The following AGPAT5 variants were observed in gnomAD, a reference collection of about 807,000 sequenced individuals.
AGPAT5 encodes 1-acyl-sn-glycerol-3-phosphate acyltransferase epsilon.
A neutral mutation model predicts 45.6 loss-of-function variants in AGPAT5; 46 were observed. That is an observed-to-expected ratio of 1.01 (90% CI 0.80 to 1.29). The LOEUF (loss-of-function observed/expected upper bound fraction) is 1.29, where lower values mean the gene tolerates loss of function less well. Among genes scored for constraint, AGPAT5 ranks in the 50% most tolerant of loss-of-function variants. AGPAT5 has a pLI of 0.00. For synonymous variants in AGPAT5, 272 were observed against 167.0 expected, an observed-to-expected ratio of 1.63 and a Z score of -4.85; for missense variants, 673 against 450.7, an observed-to-expected ratio of 1.49 and a Z score of -4.47.
intron 5 of AGPAT5, among the ~76,000 whole-genome samples, chr8:6,743,710 G>A (rs1206593398): frequency 6.6e-6 from 1 of 151,222 alleles, no homozygotes; most frequent in African/African-American, 2.4e-5. Context: ...GGTTATAAGG[G>A]ATGTGGAATT....
At chr8:6,723,102 T>A (rs1435551746) in intron 1 of AGPAT5, among the ~76,000 whole-genome samples, 1 of 152,252 alleles carries the variant, frequency 6.6e-6, no homozygotes, top group East Asian at 1.9e-4. Context: ...TTATTTTATT[T>A]ATGTTTATTC....
intron 7 of AGPAT5, among the ~76,000 whole-genome samples, chr8:6,756,160 C>T (rs374894661): frequency 1.6e-4 from 25 of 152,222 alleles, no homozygotes; most frequent in African/African-American, 5.5e-4. Flanking sequence ...CATAACTTTA[C>T]AAATCTTATG....
Position 6,747,791 on chromosome 8 carries a change from C to G in AGPAT5, c.708C>G (p.Asp236Glu), listed in dbSNP as rs778537004. The stretch of plus-strand genomic sequence containing the variant: ...TTACGGTGGTTTATGAAGGGAAAGA[C>G]GATGGAGGGCAGCGAAGAGAGTCAC... ...YDVTVVYEGK[D>E]DGGQRRESPT... Residue 236 changes from aspartate to glutamate, a missense_variant, in exon 6 of 8, where the codon GAC (aspartate) becomes GAG (glutamate). Physicochemically the swap from Asp to Glu is conservative, Grantham distance 45 (BLOSUM62 2). Transcript: ENST00000285518. 18 of 1,614,034 alleles carry G rather than the reference C, an allele frequency of 1.1e-5. No homozygotes were observed. In the South Asian group the frequency reaches 2.0e-4, roughly 18 times the overall value.
chr8:6,755,000 C>T (rs750904814), intron 6 of AGPAT5, 51 bp from the exon 7 acceptor site: 11 of 1,433,514 alleles, frequency 7.7e-6, no homozygotes, highest in Admixed American at 2.5e-5. Flanking sequence ...CTTTATATGA[C>T]CATGAGTTCT....
At chr8:6,744,850 T>G (rs1801378769) in intron 5 of AGPAT5, among the ~76,000 whole-genome samples, 1 of 152,242 alleles carries the variant, frequency 6.6e-6, no homozygotes. Flanking sequence ...GTTCCTGCCC[T>G]GCCTTTCCTC....
intron 1 of AGPAT5, among the ~76,000 whole-genome samples, chr8:6,713,714 CA>C (rs1800229658): frequency 1.0e-5 from 1 of 99,782 alleles, no homozygotes; most frequent in African/African-American, 4.6e-5. Flanking sequence ...GCACCATGCC[CA>C]GCTAATTTTT....
At chr8:6,734,093 G>A (rs140822321) in intron 4 of AGPAT5, among the ~76,000 whole-genome samples, 6 of 152,232 alleles carry the variant, frequency 3.9e-5, no homozygotes, top group African/African-American at 1.4e-4. Context: ...TTGGTCCTCT[G>A]AGCTTGGATC....
chr8:6,711,319 A>T (rs992812), intron 1 of AGPAT5, among the ~76,000 whole-genome samples: 2 of 152,050 alleles, frequency 1.3e-5, no homozygotes, highest in Admixed American at 1.3e-4. Flanking sequence ...TTCTTCCCCA[A>T]TTTCACTACT....
At chr8:6,729,218 A>G (rs941793317) in intron 2 of AGPAT5, among the ~76,000 whole-genome samples, 1 of 152,190 alleles carries the variant, frequency 6.6e-6, no homozygotes. Flanking sequence ...TCTGACTAGT[A>G]TGGTGCATTG....
At chr8:6,745,231 A>G (rs1198334537) in intron 5 of AGPAT5, 1 of 154,402 alleles carries the variant, frequency 6.5e-6, no homozygotes, top group Admixed American at 6.5e-5. Context: ...AGACATGGCA[A>G]CGTCAACAGT....
intron 6 of AGPAT5, among the ~76,000 whole-genome samples, chr8:6,749,769 A>T (rs1233021225): frequency 6.6e-6 from 1 of 152,258 alleles, no homozygotes; most frequent in Non-Finnish European, 1.5e-5. Context: ...AAGTGTTTAT[A>T]ACCAATGAAA....
Position 6,747,677 on chromosome 8 carries a change from A to G in AGPAT5, c.594A>G (p.Ala198=), listed in dbSNP as rs750074522. Residue 198 remains alanine, a synonymous_variant, in exon 6 of 8, where the codon GCA becomes GCG. Coordinates refer to ENST00000285518, the MANE Select transcript of AGPAT5 (RefSeq NM_018361.5). ...SQAFAAQRGL[A]VLKHVLTPRI... ...CACTGAATTGACTTCTAGGCCTTGCAGTATTAAAACATGTGCTAACACCAC... is the reference window on the plus strand; with the variant it reads ...CACTGAATTGACTTCTAGGCCTTGCGGTATTAAAACATGTGCTAACACCAC... 6.8e-6 allele frequency: 11 copies of G among 1,613,198 alleles called. No homozygotes were observed. Among genetic ancestry groups the G allele is most frequent in the Admixed American group, 6.7e-5 (4 of 59,974 alleles).
At chr8:6,713,437 A>G (rs1800220491) in intron 1 of AGPAT5, among the ~76,000 whole-genome samples, 1 of 152,276 alleles carries the variant, frequency 6.6e-6, no homozygotes, top group Non-Finnish European at 1.5e-5. Context: ...TTTATATAAA[A>G]TAAACAGGTT....
intron 4 of AGPAT5, among the ~76,000 whole-genome samples, chr8:6,740,652 C>A (rs190684759): frequency 6.6e-6 from 1 of 151,950 alleles, no homozygotes; most frequent in Admixed American, 6.6e-5. Flanking sequence ...TTTTTAGATA[C>A]CATTATACCA....
intron 7 of AGPAT5, 70 bp from the exon 8 acceptor site, chr8:6,757,093 C>A: frequency 8.4e-7 from 1 of 1,189,630 alleles, no homozygotes; most frequent in Non-Finnish European, 1.2e-6. Flanking sequence ...GTAATAGCTA[C>A]CTGATTGATA....
At chr8:6,749,647 A>G (rs1483032902) in intron 6 of AGPAT5, among the ~76,000 whole-genome samples, 1 of 152,196 alleles carries the variant, frequency 6.6e-6, no homozygotes. Context: ...GTGGCATATT[A>G]ATATTTTTCT....
chr8:6,752,247 C>A (rs1473819278), intron 6 of AGPAT5, among the ~76,000 whole-genome samples: 1 of 152,136 alleles, frequency 6.6e-6, no homozygotes, highest in African/African-American at 2.4e-5. Context: ...CACAAGTTCA[C>A]CTGTCCAGCG....
At position 6,724,957 on chromosome 8, in the gene AGPAT5, A is replaced by C. The variant is rs375346201; in HGVS notation, c.289+18A>C. On this transcript the variant is annotated intron_variant, in intron 2 of 7. Coordinates refer to ENST00000285518, the MANE Select transcript of AGPAT5 (RefSeq NM_018361.5). ...AAGCACAGGTTTGTATTTCATTTGC[A>C]TGAAACATAGGTTTTTCTACAGATG... 1.3e-3 allele frequency: 1,413 copies of C among 1,062,532 alleles called. 2 individuals are homozygous for C. The highest frequency in any genetic ancestry group is 1.7e-3 in the Non-Finnish European group (1,340 of 803,234). The allele number at this position is 1,062,532 out of a possible 1,614,324, so 65.8% of individuals were successfully genotyped here.
chr8:6,726,452 C>A (rs1203065332), intron 2 of AGPAT5, among the ~76,000 whole-genome samples: 2 of 152,188 alleles, frequency 1.3e-5, no homozygotes, highest in East Asian at 1.9e-4. Context: ...TCAGTATGAA[C>A]TCCACTCGAT....
Sources: allele counts gnomAD v4.1 joint callset (sites outside exome capture counted in the v4.1 genomes callset), GRCh38; gene constraint gnomAD v4.1.1; transcripts MANE v1.5; gene names NCBI Gene and HGNC (gene_info 2026-07-23, HGNC 2026-07-21).